The following GPT2 variants were observed in gnomAD, a reference collection of about 807,000 sequenced individuals.
GPT2 encodes glutamic--pyruvic transaminase 2, also known as alanine aminotransferase 2.
Under a neutral mutation model 56.9 loss-of-function variants are expected in GPT2, and 30 were observed. The ratio of observed to expected loss-of-function variants is 0.53; its 90% CI spans 0.39 to 0.72. The LOEUF (loss-of-function observed/expected upper bound fraction) is 0.72, where lower values mean the gene tolerates loss of function less well. GPT2 is among the 30% of genes least tolerant of loss of function. The pLI is 0.00. For missense variants in GPT2, 542 were observed against 703.4 expected (o/e 0.77, Z 2.60); for synonymous variants, 271 against 283.1 (o/e 0.96, Z 0.43).
At chr16:46,918,237 G>T (rs1961211510) in intron 7 of GPT2, among the ~76,000 whole-genome samples, 1 of 152,238 alleles carries the variant, frequency 6.6e-6, no homozygotes, top group Non-Finnish European at 1.5e-5. Flanking sequence ...TCAGAGGAAA[G>T]GGCCACTAAT....
chr16:46,894,118 G>A (rs1960639479), intron 2 of GPT2, among the ~76,000 whole-genome samples: 1 of 152,200 alleles, frequency 6.6e-6, no homozygotes, highest in East Asian at 1.9e-4. Context: ...ATAGCAAAGT[G>A]TCCAGGATCT....
chr16:46,911,266 G>A (rs1393238967), intron 6 of GPT2, among the ~76,000 whole-genome samples: 1 of 152,154 alleles, frequency 6.6e-6, no homozygotes, highest in African/African-American at 2.4e-5. Flanking sequence ...GCCTTCATAT[G>A]CCCCCAGTGC....
intron 5 of GPT2, among the ~76,000 whole-genome samples, chr16:46,907,683 A>G (rs893590653): frequency 6.6e-6 from 1 of 152,244 alleles, no homozygotes; most frequent in African/African-American, 2.4e-5. Context: ...TGGCACCAGT[A>G]CAGGGCCTTA....
chr16:46,893,535 T>A (rs1203039868), intron 2 of GPT2, among the ~76,000 whole-genome samples: 1 of 152,198 alleles, frequency 6.6e-6, no homozygotes, highest in Admixed American at 6.5e-5. Flanking sequence ...TTTTTGTTGA[T>A]TGTTTCCTTT....
chr16:46,911,686 A>G (rs1332639826), intron 6 of GPT2, among the ~76,000 whole-genome samples: 2 of 152,176 alleles, frequency 1.3e-5, no homozygotes, highest in Non-Finnish European at 2.9e-5. Context: ...GCGGGGCCCC[A>G]CTTCAGACAC....
chr16:46,886,258 C>T (rs549061713), intron 2 of GPT2, among the ~76,000 whole-genome samples: 2 of 152,274 alleles, frequency 1.3e-5, no homozygotes, highest in South Asian at 4.1e-4. Context: ...TGGAGCTGGC[C>T]CTCCTTGACG....
chr16:46,886,628 G>A (rs1381210455), intron 2 of GPT2, among the ~76,000 whole-genome samples: 1 of 152,198 alleles, frequency 6.6e-6, no homozygotes, highest in African/African-American at 2.4e-5. Context: ...GGGGAAGGGG[G>A]CTGGTGCTGT....
At chr16:46,922,780 C>T (rs1448904389) in intron 9 of GPT2, among the ~76,000 whole-genome samples, 1 of 152,124 alleles carries the variant, frequency 6.6e-6, no homozygotes, top group Non-Finnish European at 1.5e-5. Flanking sequence ...GGCCCCCACC[C>T]GCCTCTGCCA....
chr16:46,911,525 G>T (rs1013366190), intron 6 of GPT2, among the ~76,000 whole-genome samples: 1 of 152,204 alleles, frequency 6.6e-6, no homozygotes, highest in Admixed American at 6.5e-5. Flanking sequence ...ATAACATAGA[G>T]CTGGCTTCTC....
At chr16:46,894,083 T>C (rs1483847593) in intron 2 of GPT2, among the ~76,000 whole-genome samples, 1 of 152,212 alleles carries the variant, frequency 6.6e-6, no homozygotes, top group Non-Finnish European at 1.5e-5. Context: ...GGGTAGCCAG[T>C]GTCCTGACCC....
intron 3 of GPT2, among the ~76,000 whole-genome samples, chr16:46,898,871 C>CATATATATATATATATACGTATAT (rs1596865401): frequency 1.4e-5 from 2 of 138,822 alleles, no homozygotes; most frequent in Admixed American, 7.3e-5. Context: ...TATTTATATA[C>CATATATATATATATATACGTATAT]ATATATATAT....
At chr16:46,912,683 T>G (rs1394194032) in intron 6 of GPT2, among the ~76,000 whole-genome samples, 2 of 152,074 alleles carry the variant, frequency 1.3e-5, no homozygotes, top group Non-Finnish European at 2.9e-5. Flanking sequence ...AAGCTTCCAG[T>G]CAAAGCGGAA....
In GPT2 at chr16:46,901,125, C is replaced by T. The variant is rs142849727; in HGVS notation, c.442+335C>T. Among the ~76,000 whole-genome samples, 757 of 152,336 alleles carry T rather than the reference C, an allele frequency of 5.0e-3. 5 individuals are homozygous for T. Among genetic ancestry groups the T allele is most frequent in the African/African-American group, 0.017 (708 of 41,574 alleles). On this transcript the variant is annotated intron_variant, in intron 4 of 11. Coordinates refer to ENST00000340124, the MANE Select transcript of GPT2 (RefSeq NM_133443.4). ...CCAGCAGCTGGAGGCCAGGTAGAAA[C>T]GCAGTGCTCAGTTTTGTTCAGCATC...
intron 2 of GPT2, among the ~76,000 whole-genome samples, chr16:46,894,791 G>A (rs1038584182): frequency 6.6e-6 from 1 of 151,882 alleles, no homozygotes; most frequent in Admixed American, 6.6e-5. Context: ...TCAGCGTCCC[G>A]AGTAGCTGGG....
At chr16:46,900,906 C>A in intron 4 of GPT2, 116 bp downstream of exon 4, 1 of 744,944 alleles carries the variant, frequency 1.3e-6, no homozygotes, top group Non-Finnish European at 2.3e-6. Context: ...GTGTGGGTGG[C>A]TGACAGCACA....
chr16:46,888,186 C>T (rs1205131190), intron 2 of GPT2, among the ~76,000 whole-genome samples: 2 of 152,166 alleles, frequency 1.3e-5, no homozygotes, highest in Admixed American at 6.5e-5. Flanking sequence ...GGAAGACTGA[C>T]AATTACTGGT....
In GPT2 at chr16:46,898,547, TTTTGTTTTTGTTTTGTCGCCCAGG is replaced by T. The variant is rs1281022278; in HGVS notation, c.333+827_333+850del. On this transcript the variant is annotated intron_variant, in intron 3 of 11. Transcript: ENST00000340124. ...CTGTTTTGTTTTATTTAGGTTTTGT[TTTTGTTTTTGTTTTGTCGCCCAGG>T]TTTGTTTTTGTTTTGTTGCCCAGGT... Among the ~76,000 whole-genome samples, 18 of 152,174 alleles carry T rather than the reference TTTTGTTTTTGTTTTGTCGCCCAGG, an allele frequency of 1.2e-4. No individual in the cohort carries two copies. The East Asian group carries it at 3.1e-3, about 26-fold the overall frequency.
chr16:46,922,266 G>A lies in GPT2; in HGVS notation c.1062G>A (p.Met354Ile), dbSNP rs778546204. 2 of 1,614,110 alleles carry A rather than the reference G, an allele frequency of 1.2e-6. No homozygotes were observed. Among genetic ancestry groups the A allele is most frequent in the Non-Finnish European group, 8.5e-7 (1 of 1,180,006 alleles). Residue 354 changes from methionine (M) to isoleucine (I), a missense_variant, in exon 9 of 12, where the codon ATG becomes ATA. Physicochemically the swap from Met to Ile is conservative, Grantham distance 10. Transcript: ENST00000340124. Reference sequence around the variant, plus strand: ...GGTGTGGTTACAGAGGAGGCTACATGGAGGTGATCAACCTGCACCCTGAGA... The same window carrying A: ...GGTGTGGTTACAGAGGAGGCTACATAGAGGTGATCAACCTGCACCCTGAGA... ...MGECGYRGGYMEVINLHPEIK... is the reference protein window; with the variant it reads ...MGECGYRGGYIEVINLHPEIK...
intron 2 of GPT2, among the ~76,000 whole-genome samples, chr16:46,893,713 G>C (rs1960629392): frequency 6.6e-6 from 1 of 152,200 alleles, no homozygotes; most frequent in South Asian, 2.1e-4. Context: ...AAAGCGGCGG[G>C]AGGGGAGCCC....
Sources: allele counts gnomAD v4.1 joint callset (sites outside exome capture counted in the v4.1 genomes callset), GRCh38; gene constraint gnomAD v4.1.1; transcripts MANE v1.5; gene names NCBI Gene and HGNC (gene_info 2026-07-23, HGNC 2026-07-21).